Variants in NBAS observed in about 807,000 individuals in gnomAD.
NBAS encodes NBAS subunit of NRZ tethering complex.
A neutral mutation model predicts 302.5 loss-of-function variants in NBAS; 219 were observed. The ratio of observed to expected loss-of-function variants is 0.72; its 90% CI spans 0.65 to 0.81. The LOEUF (loss-of-function observed/expected upper bound fraction) is 0.81. NBAS is among the 30% of genes least tolerant of loss of function. The pLI, the probability that NBAS is intolerant of heterozygous loss-of-function variation, is 0.00. For synonymous variants in NBAS, 1,118 were observed against 1,021.6 expected (o/e 1.09, Z -1.80); for missense variants, 2,932 against 2,841.6 (o/e 1.03, Z -0.72).
chr2:15,098,042 T>A, the NBAS span, among the ~76,000 whole-genome samples: 3 of 422 alleles, frequency 7.1e-3, no homozygotes, highest in Middle Eastern at 0.5. Context: ...TATTATATTG[T>A]ATATAATATA....
chr2:15,026,080 T>C, the NBAS span, among the ~76,000 whole-genome samples: 1 of 152,166 alleles, frequency 6.6e-6, no homozygotes, highest in African/African-American at 2.4e-5. Context: ...TTGTCATAGA[T>C]GGCCCTTATT....
the NBAS span, among the ~76,000 whole-genome samples, chr2:15,108,500 A>C: frequency 6.6e-6 from 1 of 152,140 alleles, no homozygotes; most frequent in African/African-American, 2.4e-5. Context: ...TAAACCCAAG[A>C]AAAGAGGTAA....
chr2:14,985,782 T>C, the NBAS span, among the ~76,000 whole-genome samples: 1 of 152,222 alleles, frequency 6.6e-6, no homozygotes, highest in Admixed American at 6.5e-5. Context: ...TTCTGAATCC[T>C]TTATACTTGA....
At chr2:15,003,507 A>G in the NBAS span, among the ~76,000 whole-genome samples, 2 of 152,212 alleles carry the variant, frequency 1.3e-5, no homozygotes, top group Non-Finnish European at 2.9e-5. Context: ...CCCAGTTCTC[A>G]AAGCTATGAA....
chr2:14,839,194 A>G, the NBAS span, among the ~76,000 whole-genome samples: 2 of 136,400 alleles, frequency 1.5e-5, no homozygotes, highest in Admixed American at 1.5e-4. Flanking sequence ...CAGAGAAAAT[A>G]GAAATTAAAA....
chr2:15,096,645 G>A, the NBAS span, among the ~76,000 whole-genome samples: 1 of 152,110 alleles, frequency 6.6e-6, no homozygotes, highest in Non-Finnish European at 1.5e-5. Flanking sequence ...CCACAGACAG[G>A]GAGGTGCCAT....
the NBAS span, among the ~76,000 whole-genome samples, chr2:14,790,912 A>G: frequency 2.6e-5 from 4 of 152,026 alleles, no homozygotes; most frequent in African/African-American, 7.2e-5. Flanking sequence ...CTGGAGTGCA[A>G]TGGCGCGATC....
chr2:14,935,964 G>T, the NBAS span, among the ~76,000 whole-genome samples: 2 of 152,118 alleles, frequency 1.3e-5, no homozygotes, highest in Non-Finnish European at 2.9e-5. Flanking sequence ...GTAGAACACT[G>T]GCCAATTCAA....
intron 40 of NBAS, among the ~76,000 whole-genome samples, chr2:15,294,857 C>G (rs887876631): frequency 2.6e-5 from 4 of 152,210 alleles, no homozygotes; most frequent in Non-Finnish European, 5.9e-5. Context: ...GAAGGCTTTT[C>G]TTCATGTATA....
chr2:15,105,249 G>A, the NBAS span, among the ~76,000 whole-genome samples: 5 of 151,982 alleles, frequency 3.3e-5, no homozygotes, highest in African/African-American at 4.8e-5. Context: ...CAAACACCGG[G>A]GCCTGTCAGG....
chr2:15,535,348 T>C (rs1318483524), intron 8 of NBAS, among the ~76,000 whole-genome samples: 1 of 151,904 alleles, frequency 6.6e-6, no homozygotes, highest in Non-Finnish European at 1.5e-5. Context: ...GATGAAACCC[T>C]GTGTCTACTT....
rs553490069 is a variant in NBAS at position 15,400,238 on chromosome 2, GA to G, written c.3071+1929del. Among the ~76,000 whole-genome samples, 1,127 of 135,012 alleles carry G rather than the reference GA, an allele frequency of 8.3e-3. 11 individuals are homozygous for G. The highest frequency in any genetic ancestry group is 0.025 in the African/African-American group (921 of 37,004). 88.6% of individuals were successfully genotyped at this position (135,012 alleles called of 152,430 possible). A position where few individuals can be genotyped will look rare whatever the true frequency, so the allele number is the denominator to read the frequency against. On this transcript the variant is annotated intron_variant, in intron 26 of 51. Transcript: ENST00000281513. ...AGAGAGCGAGAAAAGAAGAGACAGA[GA>G]AAAAAAAAAACATGAAAGGAATAGA...
chr2:15,086,305 C>T, the NBAS span, among the ~76,000 whole-genome samples: 1 of 152,138 alleles, frequency 6.6e-6, no homozygotes, highest in Non-Finnish European at 1.5e-5. Flanking sequence ...AAGCTGAACA[C>T]TCGGGATACC....
chr2:14,787,691 G>A, the NBAS span, among the ~76,000 whole-genome samples: 23 of 152,146 alleles, frequency 1.5e-4, 2 homozygotes, highest in South Asian at 1.7e-3. Context: ...CAAGAGATCC[G>A]CTGTTAGTCT....
rs1482144039 is a variant in NBAS, at chr2:15,553,489, AAG to A, written c.288-18_288-17del. On this transcript the variant is annotated splice_polypyrimidine_tract_variant and intron_variant, in intron 4 of 51. Coordinates refer to ENST00000281513, the MANE Select transcript of NBAS (RefSeq NM_015909.4). ...CTTTCCATTGCTTTTATGGAGAAGA[AAG>A]AGGGGGAAGAAAATCTATTATGAAT... 2 of 1,601,906 alleles carry A rather than the reference AAG, an allele frequency of 1.2e-6. No homozygotes were observed. The highest frequency in any genetic ancestry group is 1.7e-4 in the Middle Eastern group (1 of 6,018).
chr2:14,839,988 G>C, the NBAS span, among the ~76,000 whole-genome samples: 1 of 151,862 alleles, frequency 6.6e-6, no homozygotes. Flanking sequence ...TTCTGGCCAA[G>C]AATTTAAAAT....
chr2:15,009,629 CACACACACATAT>C, the NBAS span, among the ~76,000 whole-genome samples: 2 of 147,440 alleles, frequency 1.4e-5, no homozygotes, highest in East Asian at 3.9e-4. Flanking sequence ...CACACACACA[CACACACACATAT>C]ACACATATAT....
chr2:15,163,596 T>C (rs1326454677), downstream of NBAS, among the ~76,000 whole-genome samples: 1 of 152,162 alleles, frequency 6.6e-6, no homozygotes, highest in Non-Finnish European at 1.5e-5. Flanking sequence ...AAGTGAATCC[T>C]AACACTTTGG....
At chr2:15,131,794 G>A in the NBAS span, among the ~76,000 whole-genome samples, 1 of 152,174 alleles carries the variant, frequency 6.6e-6, no homozygotes, top group East Asian at 1.9e-4. Flanking sequence ...CACATGCTCA[G>A]CTTCTGGGAA....
Sources: allele counts gnomAD v4.1 joint callset (sites outside exome capture counted in the v4.1 genomes callset), GRCh38; gene constraint gnomAD v4.1.1; transcripts MANE v1.5; gene names NCBI Gene and HGNC (gene_info 2026-07-23, HGNC 2026-07-21).